The following CRMP1 variants were observed in gnomAD, a reference collection of about 807,000 sequenced individuals.
The protein encoded by CRMP1 is collapsin response mediator protein 1.
In CRMP1, 19 loss-of-function variants were observed where a neutral mutation model predicts 68.3. That is an observed-to-expected ratio of 0.28 (90% CI 0.19 to 0.41). CRMP1 has a LOEUF of 0.41. CRMP1 is among the 10% of genes least tolerant of loss of function. The pLI is 1.00. For synonymous variants in CRMP1, 439 were observed against 399.6 expected (o/e 1.10, Z -1.18); for missense variants, 791 against 967.4 (o/e 0.82, Z 2.42).
At chr4:5,863,994 G>A (rs892798068) in intron 2 of CRMP1, among the ~76,000 whole-genome samples, 8 of 152,168 alleles carry the variant, frequency 5.3e-5, no homozygotes, top group African/African-American at 1.7e-4. Context: ...TCAGCAACGG[G>A]TTCAAGTAAA....
intron 5 of CRMP1, among the ~76,000 whole-genome samples, chr4:5,849,713 A>C (rs1017208808): frequency 5.3e-5 from 8 of 152,170 alleles, no homozygotes; most frequent in African/African-American, 1.9e-4. Context: ...AACTGGTCCA[A>C]GTCACCCCAG....
In CRMP1 at chr4:5,893,047, G is replaced by A. The variant is rs565104030; in HGVS notation, c.-78C>T. 2.1e-6 allele frequency: 2 copies of A among 957,074 alleles called. No individual in the cohort carries two copies. Among genetic ancestry groups the A allele is most frequent in the South Asian group, 4.7e-5 (1 of 21,176 alleles). 59.3% of individuals were successfully genotyped at this position (957,074 alleles called of 1,614,324 possible). A position where few individuals can be genotyped will look rare whatever the true frequency, so the allele number is the denominator to read the frequency against. ...TGGGCACCGCCGTGCGCCGCGCTCC[G>A]CGCCTCGGTGCGGGCCTGCGGCGGC... On this transcript the variant is annotated 5_prime_UTR_variant, in exon 1 of 14. Coordinates refer to ENST00000324989, the MANE Select transcript of CRMP1 (RefSeq NM_001014809.3).
Position 5,887,964 on chromosome 4 carries a change from C to T in CRMP1, c.381+4625G>A, listed in dbSNP as rs534035065. Among the ~76,000 whole-genome samples, 4 of 152,258 alleles carry T rather than the reference C, an allele frequency of 2.6e-5. No individual in the cohort carries two copies. In the South Asian group the frequency reaches 6.2e-4, roughly 24 times the overall value. On this transcript the variant is annotated intron_variant, in intron 1 of 13. Coordinates refer to ENST00000324989, the MANE Select transcript of CRMP1 (RefSeq NM_001014809.3). ...GTCCACGCCATCCTCTGGCACATCCCGTGGGGGGAGGGGGCGGCAAGCCCG... is the reference window on the plus strand; with the variant it reads ...GTCCACGCCATCCTCTGGCACATCCTGTGGGGGGAGGGGGCGGCAAGCCCG...
intron 2 of CRMP1, among the ~76,000 whole-genome samples, chr4:5,863,585 C>T (rs989916509): frequency 2.6e-5 from 4 of 152,160 alleles, no homozygotes; most frequent in Non-Finnish European, 5.9e-5. Flanking sequence ...AGAGAGGAAG[C>T]TCAGCTCAGT....
chr4:5,887,916 T>G, intron 1 of CRMP1: 1 of 641,112 alleles, frequency 1.6e-6, no homozygotes. Flanking sequence ...CCTCCCTCTT[T>G]TGTTCGGCTC....
At chr4:5,863,553 A>T (rs1334096943) in intron 2 of CRMP1, among the ~76,000 whole-genome samples, 1 of 152,164 alleles carries the variant, frequency 6.6e-6, no homozygotes, top group Non-Finnish European at 1.5e-5. Context: ...CTCAATAGCA[A>T]TGTGCTGGAA....
At position 5,888,683 on chromosome 4, in the gene CRMP1, G is replaced by C; in HGVS notation, c.381+3906C>G. On this transcript the variant is annotated intron_variant, in intron 1 of 13. Transcript: ENST00000324989. The surrounding 1 kb of genome is among the most constrained non-coding windows in gnomAD (Gnocchi z 6.4). The stretch of plus-strand genomic sequence containing the variant: ...CCCCCGCCCTGCGCACACGCCCTTG[G>C]CGGGCCCTGGCCTCGCTCTCGCGAT... 1 of 918,954 alleles carries C rather than the reference G, an allele frequency of 1.1e-6. No homozygotes were observed. The allele number at this position is 918,954 out of a possible 1,614,324, so 56.9% of individuals were successfully genotyped here.
In CRMP1 at chr4:5,842,084, A is replaced by G. The variant is rs538716749; in HGVS notation, c.1033-656T>C. ...GAAACCCTGTCTCTACTGAAAATAC[A>G]AAAAATTAGCCAGTGTGGTGGCAGG... On this transcript the variant is annotated intron_variant, in intron 7 of 13. Coordinates refer to ENST00000324989, the MANE Select transcript of CRMP1 (RefSeq NM_001014809.3). The surrounding 1 kb of genome is among the most constrained non-coding windows in gnomAD (Gnocchi z 4.5). 2.1e-4 allele frequency among the ~76,000 whole-genome samples: 32 copies of G among 152,314 alleles called. No homozygotes were observed. Among genetic ancestry groups the G allele is most frequent in the Non-Finnish European group, 4.6e-4 (31 of 68,026 alleles).
chr4:5,889,618 C>G lies in CRMP1; in HGVS notation c.381+2971G>C, dbSNP rs1253088380. On this transcript the variant is annotated intron_variant, in intron 1 of 13. Transcript: ENST00000324989. This position sits in a 1 kb window ranked among gnomAD's most constrained non-coding sequence, Gnocchi z 4.5. ...CCCCAAGTTCCCAGGCAGAATAAAACACCAACCTTGTCCACCACTTCGTTG... is the reference window on the plus strand; with the variant it reads ...CCCCAAGTTCCCAGGCAGAATAAAAGACCAACCTTGTCCACCACTTCGTTG... The G allele has an allele frequency of 6.5e-7, 1 of 1,536,074 alleles. No homozygotes were observed. The highest frequency in any genetic ancestry group is 1.4e-5 in the African/African-American group (1 of 73,060).
intron 1 of CRMP1, among the ~76,000 whole-genome samples, chr4:5,886,842 C>G (rs963585254): frequency 3.9e-5 from 6 of 152,196 alleles, no homozygotes; most frequent in Non-Finnish European, 4.4e-5. Flanking sequence ...GATTCTTGAC[C>G]AACTAGTGTT....
chr4:5,868,228 C>T, intron 1 of CRMP1, among the ~76,000 whole-genome samples: 1 of 145,298 alleles, frequency 6.9e-6, no homozygotes, highest in South Asian at 2.2e-4. Context: ...TAAGCACATC[C>T]CAACTTGCCG....
chr4:5,848,152 T>TC (rs1417865102), intron 6 of CRMP1, among the ~76,000 whole-genome samples: 1 of 152,098 alleles, frequency 6.6e-6, no homozygotes, highest in Non-Finnish European at 1.5e-5. Context: ...ACTTCATTTT[T>TC]TTTTTTTTTT....
chr4:5,836,535 C>T (rs2152458248), intron 10 of CRMP1, among the ~76,000 whole-genome samples: 1 of 152,292 alleles, frequency 6.6e-6, no homozygotes, highest in South Asian at 2.1e-4. Context: ...AAACATTTTT[C>T]AATCTTAAGA....
In CRMP1 at chr4:5,835,986, C is replaced by T. The variant is rs1196194107; in HGVS notation, c.1552G>A (p.Gly518Ser). ...CAGATGACCACGTCGGCATCCGAGC[C>T]CACGGCAATCCGCCCTTTCCTTGGG... The part of the protein sequence containing the change: ...LYPRKGRIAV[G>S]SDADVVIWDP... Residue 518 changes from glycine (G) to serine (S), a missense_variant, in exon 11 of 14, where the codon GGC (glycine) becomes AGC (serine). By Grantham distance (56) the Gly-to-Ser change is moderately conservative (BLOSUM62 0). Coordinates refer to ENST00000324989, the MANE Select transcript of CRMP1 (RefSeq NM_001014809.3). 6.2e-7 allele frequency: 1 copy of T among 1,604,634 alleles called. No individual in the cohort carries two copies. The highest frequency in any genetic ancestry group is 8.5e-7 in the Non-Finnish European group (1 of 1,175,426).
intron 6 of CRMP1, among the ~76,000 whole-genome samples, chr4:5,846,999 G>T (rs1417564315): frequency 1.3e-5 from 2 of 152,016 alleles, no homozygotes; most frequent in Non-Finnish European, 2.9e-5. Context: ...AAAAAGGATG[G>T]ATGACTCAGA....
chr4:5,828,548 A>G lies in CRMP1; in HGVS notation c.1744T>C (p.Phe582Leu). The G allele has an allele frequency of 6.2e-7, 1 of 1,614,198 alleles. No homozygotes were observed. Among genetic ancestry groups the G allele is most frequent in the Non-Finnish European group, 8.5e-7 (1 of 1,180,034 alleles). The change falls in exon 12 of 14, where the codon TTC (phenylalanine) becomes CTC (leucine). Residue 582 changes from phenylalanine (F) to leucine (L), a missense_variant. Physicochemically the swap from Phe to Leu is conservative, Grantham distance 22 (BLOSUM62 0). Transcript: ENST00000324989. Reference sequence around the variant, plus strand: ...TCCGGGAACGCCTTCCGCGGAATGAAGCGGCCCATGCCCTTGTTGACGTTG... The same window carrying G: ...TCCGGGAACGCCTTCCGCGGAATGAGGCGGCCCATGCCCTTGTTGACGTTG... ...NINVNKGMGRFIPRKAFPEHL... is the reference protein window; with the variant it reads ...NINVNKGMGRLIPRKAFPEHL...
intron 6 of CRMP1, among the ~76,000 whole-genome samples, chr4:5,845,504 C>T (rs1463389094): frequency 2.6e-5 from 4 of 152,192 alleles, no homozygotes; most frequent in East Asian, 1.9e-4. Flanking sequence ...ACACCACCTA[C>T]GAGAGGCTGG....
rs1194941885 is a variant in CRMP1 at position 5,841,280 on chromosome 4, C to G, written c.1153+28G>C. 1.2e-6 allele frequency: 2 copies of G among 1,613,592 alleles called. No homozygotes were observed. Among genetic ancestry groups the G allele is most frequent in the Non-Finnish European group, 1.7e-6 (2 of 1,179,952 alleles). ...CACCCCCTTCCAGGCCCCAGCTGCC[C>G]CCAGAAGGCCCAGGGCCGGCTGCAT... On this transcript the variant is annotated intron_variant, in intron 8 of 13. Transcript: ENST00000324989. This position sits in a 1 kb window ranked among gnomAD's most constrained non-coding sequence, Gnocchi z 6.9.
At chr4:5,869,007 A>G (rs1379445295) in intron 1 of CRMP1, among the ~76,000 whole-genome samples, 1 of 152,032 alleles carries the variant, frequency 6.6e-6, no homozygotes, top group Non-Finnish European at 1.5e-5. Context: ...GCTGGAGTGA[A>G]GTGGCATGAT....
Sources: allele counts gnomAD v4.1 joint callset (sites outside exome capture counted in the v4.1 genomes callset), GRCh38; gene constraint gnomAD v4.1.1; non-coding constraint Gnocchi (gnomAD v3.1); transcripts MANE v1.5; gene names NCBI Gene and HGNC (gene_info 2026-07-23, HGNC 2026-07-21).